Variants in HLF observed in about 807,000 individuals in gnomAD.
HLF encodes HLF transcription factor, PAR bZIP family member, also known as hepatic leukemia factor.
In HLF, 3 loss-of-function variants were observed where a neutral mutation model predicts 22.6. The observed-to-expected ratio is 0.13, with a 90% CI of 0.06 to 0.34. The LOEUF is 0.34. Among genes scored for constraint, HLF ranks in the 10% least tolerant of loss-of-function variants. HLF has a pLI of 1.00. For synonymous variants in HLF, 151 were observed against 151.8 expected (o/e 0.99, Z 0.04); for missense variants, 299 against 389.2 (o/e 0.77, Z 1.95).
At chr17:55,296,423 G>A (rs577644029) in intron 2 of HLF, among the ~76,000 whole-genome samples, 22 of 152,140 alleles carry the variant, frequency 1.4e-4, no homozygotes, top group Admixed American at 1.2e-3. Flanking sequence ...TCTTCCAGAC[G>A]TTCCCTTTGT....
At chr17:55,318,689 A>G (rs374524025) in intron 3 of HLF, among the ~76,000 whole-genome samples, 121 of 151,960 alleles carry the variant, frequency 8.0e-4, no homozygotes, top group African/African-American at 2.9e-3. Flanking sequence ...GATACATCCT[A>G]AATCAAGTCC....
chr17:55,315,711 C>G (rs892961362), intron 3 of HLF, among the ~76,000 whole-genome samples: 1 of 152,120 alleles, frequency 6.6e-6, no homozygotes, highest in Non-Finnish European at 1.5e-5. Context: ...AGGAAACAAA[C>G]CTGCTCCTAT....
chr17:55,267,247 T>A (rs113958863), intron 1 of HLF, among the ~76,000 whole-genome samples: 1 of 152,216 alleles, frequency 6.6e-6, no homozygotes, highest in African/African-American at 2.4e-5. Context: ...CTAAACATGA[T>A]GTTAAAGAAG....
At chr17:55,297,357 G>A (rs774895813) in intron 2 of HLF, among the ~76,000 whole-genome samples, 1 of 152,156 alleles carries the variant, frequency 6.6e-6, no homozygotes, top group African/African-American at 2.4e-5. Context: ...GGTAGAGTTT[G>A]TAGTTATTGA....
intron 2 of HLF, among the ~76,000 whole-genome samples, chr17:55,299,063 G>A (rs2081134222): frequency 6.6e-6 from 1 of 152,220 alleles, no homozygotes. Flanking sequence ...CAGGACTTGT[G>A]CAGTGAATAC....
chr17:55,317,216 C>G (rs1905108266), intron 3 of HLF, among the ~76,000 whole-genome samples: 1 of 152,110 alleles, frequency 6.6e-6, no homozygotes, highest in African/African-American at 2.4e-5. Flanking sequence ...ATCTGCCCAC[C>G]TCGGTCTTCC....
intron 2 of HLF, among the ~76,000 whole-genome samples, chr17:55,295,703 G>A (rs530936200): frequency 9.5e-4 from 144 of 152,318 alleles, no homozygotes; most frequent in Non-Finnish European, 1.5e-3. Context: ...CCTATGTCCC[G>A]TACCACCTGT....
At chr17:55,290,290 C>G (rs976928045) in intron 2 of HLF, among the ~76,000 whole-genome samples, 2 of 152,182 alleles carry the variant, frequency 1.3e-5, no homozygotes, top group African/African-American at 4.8e-5. Context: ...CACCATATTA[C>G]ACTTTGCCGA....
At chr17:55,313,103 A>G (rs1904907489) in intron 2 of HLF, among the ~76,000 whole-genome samples, 1 of 152,186 alleles carries the variant, frequency 6.6e-6, no homozygotes, top group South Asian at 2.1e-4. Flanking sequence ...CTCTGCAGGT[A>G]GGGCTGACCT....
chr17:55,275,981 G>T (rs558605357), intron 2 of HLF, among the ~76,000 whole-genome samples: 2 of 152,240 alleles, frequency 1.3e-5, no homozygotes, highest in Non-Finnish European at 2.9e-5. Flanking sequence ...GGTGGCACGT[G>T]CCTGTAGTCT....
chr17:55,320,334 A>G lies in HLF; in HGVS notation c.673-330A>G, dbSNP rs765386292. 6.6e-6 allele frequency among the ~76,000 whole-genome samples: 1 copy of G among 152,218 alleles called. No homozygotes were observed. Among genetic ancestry groups the G allele is most frequent in the Non-Finnish European group, 1.5e-5 (1 of 68,036 alleles). ...AGGGTTCTTAAAATGTTGAGCAGGGAGAGTAAAGAAAGTTGAAATGTAATT... is the reference window on the plus strand; with the variant it reads ...AGGGTTCTTAAAATGTTGAGCAGGGGGAGTAAAGAAAGTTGAAATGTAATT... On this transcript the variant is annotated intron_variant, in intron 3 of 3. Transcript: ENST00000226067. This position sits in a 1 kb window ranked among gnomAD's most constrained non-coding sequence, Gnocchi z 4.2.
intron 2 of HLF, among the ~76,000 whole-genome samples, chr17:55,269,124 T>C (rs1174581641): frequency 6.6e-6 from 1 of 152,186 alleles, no homozygotes; most frequent in East Asian, 1.9e-4. Flanking sequence ...TCCTCGACTC[T>C]TGTAGAAATT....
At chr17:55,316,965 G>GTTTTTTTTTTT (rs35293604) in intron 3 of HLF, among the ~76,000 whole-genome samples, 1 of 107,154 alleles carries the variant, frequency 9.3e-6, no homozygotes, top group Non-Finnish European at 1.8e-5. Context: ...TTTTTATGGT[G>GTTTTTTTTTTT]TTTTTTTTTT....
chr17:55,265,367 C>T lies in HLF; in HGVS notation c.-118C>T, dbSNP rs1221597239. The T allele has an allele frequency of 3.2e-6, 2 of 633,766 alleles. No individual in the cohort carries two copies. The highest frequency in any genetic ancestry group is 5.6e-6 in the Non-Finnish European group (2 of 357,604). The allele number at this position is 633,766 out of a possible 1,614,324, so 39.3% of individuals were successfully genotyped here. A position where few individuals can be genotyped will look rare whatever the true frequency, so the allele number is the denominator to read the frequency against. On this transcript the variant is annotated 5_prime_UTR_variant, in exon 1 of 4. Transcript: ENST00000226067. ...TAATTTTTTTCTTCCCTTTTCTCCA[C>T]CGCCTTGAGAGCGAGTACTTTTGGC... is the stretch of plus-strand genomic sequence containing the variant.
At chr17:55,270,954 T>C (rs1399033072) in intron 2 of HLF, among the ~76,000 whole-genome samples, 2 of 152,166 alleles carry the variant, frequency 1.3e-5, no homozygotes, top group African/African-American at 2.4e-5. Flanking sequence ...GGGTAAATCT[T>C]GTGTCTTACG....
chr17:55,308,970 A>T (rs540493645), intron 2 of HLF, among the ~76,000 whole-genome samples: 7 of 152,344 alleles, frequency 4.6e-5, no homozygotes, highest in Admixed American at 4.6e-4. Flanking sequence ...GTAATGACAG[A>T]AGTGCTACAG....
intron 2 of HLF, chr17:55,273,721 G>A (rs1357533598): frequency 1.3e-5 from 2 of 152,008 alleles, no homozygotes; most frequent in Non-Finnish European, 2.9e-5. Flanking sequence ...GTGCCCTGTG[G>A]AGCTTGCCCA....
intron 2 of HLF, among the ~76,000 whole-genome samples, chr17:55,293,483 A>G (rs964905911): frequency 6.6e-6 from 1 of 152,210 alleles, no homozygotes; most frequent in Non-Finnish European, 1.5e-5. Context: ...ACGGATGGGT[A>G]GAAAAGGAAT....
intron 2 of HLF, chr17:55,289,055 C>A (rs1411655759): frequency 2.5e-6 from 1 of 393,864 alleles, no homozygotes; most frequent in Non-Finnish European, 3.5e-6. Flanking sequence ...TTTAAAAAAA[C>A]ATCAACTTAT....
Sources: gnomAD v4.1 joint callset for allele counts (sites outside exome capture counted in the v4.1 genomes callset) on GRCh38, gnomAD v4.1.1 for gene constraint, Gnocchi (gnomAD v3.1) non-coding constraint, MANE v1.5 for transcripts, NCBI Gene and HGNC (gene_info 2026-07-23, HGNC 2026-07-21) for gene names.